SPINK5: variants seen among roughly 807,000 people sequenced by gnomAD.
SPINK5 encodes serine protease inhibitor Kazal-type 5.
A neutral mutation model predicts 151.8 loss-of-function variants in SPINK5; 125 were observed. The observed-to-expected ratio is 0.82, with a 90% CI of 0.71 to 0.96. The LOEUF (loss-of-function observed/expected upper bound fraction) is 0.96, where lower values mean the gene tolerates loss of function less well. Ranked by LOEUF, SPINK5 falls within the 40% of genes least tolerant of loss-of-function variation. SPINK5 has a pLI of 0.00. For synonymous variants in SPINK5, 374 were observed against 395.3 expected (o/e 0.95, Z 0.64); for missense variants, 1,194 against 1,291.9 (o/e 0.92, Z 1.16).
intron 32 of SPINK5, 122 bp from the exon 33 acceptor site, chr5:148,136,861 A>T: frequency 7.9e-7 from 1 of 1,267,002 alleles, no homozygotes; most frequent in Non-Finnish European, 1.1e-6. Context: ...TTAAATTGCT[A>T]CTTCTTTGCA....
chr5:148,123,521 G>GTATA lies in SPINK5; in HGVS notation c.2539-285_2539-282dup, dbSNP rs1159209367. On this transcript the variant is annotated intron_variant, in intron 26 of 32. Coordinates refer to ENST00000256084, the MANE Select transcript of SPINK5 (RefSeq NM_006846.4). ...TGGAGTGCAGTGGTGCAATATATGT[G>GTATA]TATATATATATATATATATATATAT... 6.1e-3 allele frequency among the ~76,000 whole-genome samples: 152 copies of GTATA among 24,996 alleles called. 1 individual carries two copies. Among genetic ancestry groups the GTATA allele is most frequent in the South Asian group, 0.039 (20 of 508 alleles). The allele number at this position is 24,996 out of a possible 152,430, so 16.4% of individuals were successfully genotyped here.
At chr5:148,097,034 T>C (rs2113102248) in intron 10 of SPINK5, among the ~76,000 whole-genome samples, 1 of 151,882 alleles carries the variant, frequency 6.6e-6, no homozygotes, top group Non-Finnish European at 1.5e-5. Flanking sequence ...TTTCCAATTT[T>C]TCTCCTTCCT....
At chr5:148,126,102 C>T (rs1245069498) in intron 29 of SPINK5, among the ~76,000 whole-genome samples, 1 of 152,128 alleles carries the variant, frequency 6.6e-6, no homozygotes, top group Non-Finnish European at 1.5e-5. Flanking sequence ...TTTCAACTTT[C>T]AGCATCATAA....
intron 23 of SPINK5, 36 bp from the exon 24 acceptor site, chr5:148,118,950 G>A (rs1265544808): frequency 6.2e-7 from 1 of 1,605,870 alleles, no homozygotes; most frequent in East Asian, 2.2e-5. Flanking sequence ...GTCAATATTT[G>A]TTAACAAGAT....
chr5:148,118,239 G>C (rs1280594571), intron 22 of SPINK5, among the ~76,000 whole-genome samples, 198 bp from the exon 23 acceptor site: 1 of 152,086 alleles, frequency 6.6e-6, no homozygotes, highest in Non-Finnish European at 1.5e-5. Context: ...GGCTGGTCTT[G>C]AACTCCTGAC....
At chr5:148,065,936 T>C (rs768894291) in intron 2 of SPINK5, among the ~76,000 whole-genome samples, 92 of 152,222 alleles carry the variant, frequency 6.0e-4, no homozygotes, top group Non-Finnish European at 8.2e-4. Flanking sequence ...GACAAATTAA[T>C]AAGTAGCTTA....
intron 1 of SPINK5, 90 bp downstream of exon 1, chr5:148,064,189 T>C: frequency 7.6e-7 from 1 of 1,322,284 alleles, no homozygotes; most frequent in Admixed American, 1.7e-5. Context: ...TGCCAAAAAA[T>C]GTTTACGTAT....
intron 16 of SPINK5, among the ~76,000 whole-genome samples, chr5:148,106,327 A>T (rs973248633): frequency 2.0e-5 from 3 of 151,550 alleles, no homozygotes; most frequent in African/African-American, 7.3e-5. Context: ...AAATTTATTT[A>T]TTTATTTATT....
intron 8 of SPINK5, among the ~76,000 whole-genome samples, chr5:148,093,725 C>G (rs1024844115): frequency 1.6e-4 from 24 of 151,022 alleles, no homozygotes; most frequent in African/African-American, 5.8e-4. Flanking sequence ...TGAAAGATAT[C>G]CCCTGACCCC....
intron 2 of SPINK5, 60 bp from the exon 3 acceptor site, chr5:148,070,263 C>G: frequency 6.3e-7 from 1 of 1,585,974 alleles, no homozygotes; most frequent in Non-Finnish European, 8.6e-7. Flanking sequence ...ATATATATAT[C>G]AAAATAAAGC....
chr5:148,065,863 T>C (rs1156435743), intron 2 of SPINK5, among the ~76,000 whole-genome samples: 1 of 152,146 alleles, frequency 6.6e-6, no homozygotes, highest in Non-Finnish European at 1.5e-5. Flanking sequence ...CTGGGGTTAT[T>C]TTTAAGTAAA....
intron 22 of SPINK5, 82 bp from the exon 23 acceptor site, chr5:148,118,355 C>G: frequency 1.3e-6 from 2 of 1,597,530 alleles, no homozygotes; most frequent in Non-Finnish European, 1.7e-6. Context: ...AAGAACTTCT[C>G]TTACTCAGAC....
At chr5:148,070,213 T>C (rs757708063) in intron 2 of SPINK5, 110 bp from the exon 3 acceptor site, 200 of 1,301,722 alleles carry the variant, frequency 1.5e-4, no homozygotes, top group Non-Finnish European at 2.1e-4. Context: ...AACCTTGGAA[T>C]TGTGTGTGTA....
At position 148,114,392 on chromosome 5, in the gene SPINK5, C is replaced by T. The variant is rs1754030362; in HGVS notation, c.1918C>T (p.Gln640Ter). 6.2e-7 allele frequency: 1 copy of T among 1,612,538 alleles called. No homozygotes were observed. The highest frequency in any genetic ancestry group is 8.5e-7 in the Non-Finnish European group (1 of 1,179,382). The change falls in exon 21 of 33, where the codon CAA (glutamine) becomes TAA (stop). Residue 640 changes from glutamine (Q) to a stop codon, truncating the protein, a stop_gained. Transcript: ENST00000256084. LOFTEE classifies it high-confidence loss of function. Reference sequence around the variant, plus strand: ...ATGCGATGAATTTCGGAGACTTTTGCAAAATGGAAAACTTTTCTGCACAAG... The same window carrying T: ...ATGCGATGAATTTCGGAGACTTTTGTAAAATGGAAAACTTTTCTGCACAAG... Reference protein sequence around the residue: ...ETCDEFRRLLQNGKLFCTREN... With the variant: ...ETCDEFRRLL
At chr5:148,076,596 A>G (rs1253590049) in intron 4 of SPINK5, among the ~76,000 whole-genome samples, 1 of 151,774 alleles carries the variant, frequency 6.6e-6, no homozygotes, top group Non-Finnish European at 1.5e-5. Context: ...AAGAAAAATA[A>G]TTAATGGAGT....
intron 4 of SPINK5, among the ~76,000 whole-genome samples, chr5:148,081,572 CAG>C (rs142648796): frequency 0.032 from 4,796 of 151,454 alleles, 271 homozygotes; most frequent in African/African-American, 0.11. Context: ...GGCAAATTTA[CAG>C]AGTCAGAAAA....
chr5:148,069,539 C>T (rs1752681830), intron 2 of SPINK5, among the ~76,000 whole-genome samples: 1 of 151,968 alleles, frequency 6.6e-6, no homozygotes, highest in Non-Finnish European at 1.5e-5. Context: ...CTCAGTACTT[C>T]CATAGATTCA....
Position 148,065,581 on chromosome 5 carries a change from T to A in SPINK5, c.81+209T>A. 3.6e-6 allele frequency: 2 copies of A among 552,998 alleles called. 1 individual carries two copies. Among genetic ancestry groups the A allele is most frequent in the South Asian group, 5.1e-5 (2 of 39,436 alleles). The allele number at this position is 552,998 out of a possible 1,614,324, so 34.3% of individuals were successfully genotyped here. A position where few individuals can be genotyped will look rare whatever the true frequency, so the allele number is the denominator to read the frequency against. ...CACACACACACACACACTCAACATATTAATGATGATGGATGTCTGCAAGAG... is the reference window on the plus strand; with the variant it reads ...CACACACACACACACACTCAACATAATAATGATGATGGATGTCTGCAAGAG... On this transcript the variant is annotated intron_variant, in intron 2 of 32. Coordinates refer to ENST00000256084, the MANE Select transcript of SPINK5 (RefSeq NM_006846.4).
intron 4 of SPINK5, among the ~76,000 whole-genome samples, chr5:148,080,402 T>C (rs1272656717): frequency 6.6e-6 from 1 of 151,362 alleles, no homozygotes; most frequent in African/African-American, 2.4e-5. Context: ...TCCTACTAGT[T>C]ATATAAAAAA....
Sources: allele counts gnomAD v4.1 joint callset (sites outside exome capture counted in the v4.1 genomes callset), GRCh38; gene constraint gnomAD v4.1.1; transcripts MANE v1.5; gene names NCBI Gene and HGNC (gene_info 2026-07-23, HGNC 2026-07-21).